Variants in LCLAT1 observed in about 807,000 individuals in gnomAD.
LCLAT1 encodes 1-AGP acyltransferase 8.
Under a neutral mutation model 30.7 loss-of-function variants are expected in LCLAT1, and 11 were observed. The observed-to-expected ratio is 0.36, with a 90% CI of 0.23 to 0.59. The LOEUF (loss-of-function observed/expected upper bound fraction) is 0.59. Among genes scored for constraint, LCLAT1 ranks in the 20% least tolerant of loss-of-function variants. The probability of loss-of-function intolerance (pLI) is 0.77; values close to 1 mark genes in which losing one functional copy is unlikely to be tolerated. For synonymous variants in LCLAT1, 155 were observed against 151.3 expected, an observed-to-expected ratio of 1.02 and a Z score of -0.18; for missense variants, 402 against 458.6, an observed-to-expected ratio of 0.88 and a Z score of 1.13.
chr2:30,454,981 A>G (rs1005676977), intron 1 of LCLAT1, among the ~76,000 whole-genome samples: 1 of 152,158 alleles, frequency 6.6e-6, no homozygotes. Context: ...AGAATATACT[A>G]GAAGTCGGAG....
chr2:30,473,303 G>A (rs997592732), intron 1 of LCLAT1, among the ~76,000 whole-genome samples: 3 of 152,026 alleles, frequency 2.0e-5, no homozygotes, highest in Non-Finnish European at 2.9e-5. Flanking sequence ...CAAGGAGGGC[G>A]GGTTGTATGC....
At chr2:30,609,302 T>TA (rs1197239010) in intron 5 of LCLAT1, among the ~76,000 whole-genome samples, 1 of 151,768 alleles carries the variant, frequency 6.6e-6, no homozygotes, top group Non-Finnish European at 1.5e-5. Context: ...GTCTGGTTTT[T>TA]AAAAACCTTT....
Position 30,527,191 on chromosome 2 carries a change from T to C in LCLAT1, c.165+1436T>C, listed in dbSNP as rs146237771. Among the ~76,000 whole-genome samples, 997 of 152,328 alleles carry C rather than the reference T, an allele frequency of 6.5e-3. 13 individuals are homozygous for C. Among genetic ancestry groups the C allele is most frequent in the African/African-American group, 0.02 (849 of 41,574 alleles). ...TCATAAAATCAGAGACATTTCCTAT[T>C]GAAACATTTGACTGTTTTCATGTCA... On this transcript the variant is annotated intron_variant, in intron 2 of 5. Coordinates refer to ENST00000379509, the MANE Select transcript of LCLAT1 (RefSeq NM_001002257.3).
chr2:30,572,161 T>G lies in LCLAT1; in HGVS notation c.628+3985T>G, dbSNP rs576563144. Among the ~76,000 whole-genome samples, 10 of 152,334 alleles carry G rather than the reference T, an allele frequency of 6.6e-5. No individual in the cohort carries two copies. In the South Asian group the frequency reaches 1.9e-3, roughly 28 times the overall value. On this transcript the variant is annotated intron_variant, in intron 5 of 5. Coordinates refer to ENST00000379509, the MANE Select transcript of LCLAT1 (RefSeq NM_001002257.3). ...GGAATTCATATTGTTTCTTTGTTCCTTTTAGTCACTGCCCACCTCGCCCCC... is the reference window on the plus strand; with the variant it reads ...GGAATTCATATTGTTTCTTTGTTCCGTTTAGTCACTGCCCACCTCGCCCCC...
intron 3 of LCLAT1, among the ~76,000 whole-genome samples, chr2:30,559,022 T>C (rs905988700): frequency 6.6e-6 from 1 of 152,226 alleles, no homozygotes; most frequent in African/African-American, 2.4e-5. Flanking sequence ...GTTACATTGA[T>C]ACTGGCATTG....
At chr2:30,633,374 G>A (rs1175198743) in intron 5 of LCLAT1, among the ~76,000 whole-genome samples, 1 of 152,150 alleles carries the variant, frequency 6.6e-6, no homozygotes, top group South Asian at 2.1e-4. Flanking sequence ...TTTAAAGCAG[G>A]TGTTAAAATG....
At chr2:30,469,567 G>T (rs956658166) in intron 1 of LCLAT1, among the ~76,000 whole-genome samples, 3 of 145,436 alleles carry the variant, frequency 2.1e-5, no homozygotes, top group African/African-American at 2.6e-5. Context: ...TGGGCTACAG[G>T]TCTCTTCTTT....
At chr2:30,543,819 C>G (rs930411118) in intron 3 of LCLAT1, among the ~76,000 whole-genome samples, 5 of 151,970 alleles carry the variant, frequency 3.3e-5, no homozygotes, top group African/African-American at 1.2e-4. Context: ...GCCCCTCTCC[C>G]CTAAAATAAT....
In LCLAT1 at chr2:30,644,215, T is replaced by G. The variant is rs1669452193; in HGVS notation, c.*3596T>G. The G allele has an allele frequency of 6.6e-6, 1 of 152,170 alleles. No homozygotes were observed. The highest frequency in any genetic ancestry group is 2.4e-5 in the African/African-American group (1 of 41,452). The allele number at this position is 152,170 out of a possible 1,614,324, so 9.4% of individuals were successfully genotyped here. A position where few individuals can be genotyped will look rare whatever the true frequency, so the allele number is the denominator to read the frequency against. The stretch of plus-strand genomic sequence containing the variant: ...TACATCCCAGAATAAAGGAGTGAAT[T>G]AAATAGTTTACATGTGTGTTACGTT... On this transcript the variant is annotated 3_prime_UTR_variant, in exon 6 of 6. Transcript: ENST00000379509.
At chr2:30,469,432 A>G (rs991384758) in intron 1 of LCLAT1, among the ~76,000 whole-genome samples, 1 of 152,092 alleles carries the variant, frequency 6.6e-6, no homozygotes, top group Non-Finnish European at 1.5e-5. Context: ...CTTCTTTTGC[A>G]TGTAGCTATC....
intron 5 of LCLAT1, among the ~76,000 whole-genome samples, chr2:30,586,634 G>A (rs755837510): frequency 6.6e-6 from 1 of 152,140 alleles, no homozygotes; most frequent in Admixed American, 6.5e-5. Flanking sequence ...AACACAGTAC[G>A]GTTGCTGACT....
At chr2:30,597,076 T>G (rs376438584) in intron 5 of LCLAT1, among the ~76,000 whole-genome samples, 1,800 of 146,570 alleles carry the variant, frequency 0.012, 43 homozygotes, top group African/African-American at 0.043. Context: ...TCAGGTAATG[T>G]GATGCCTCCA....
At chr2:30,516,135 T>C (rs114591063) in intron 1 of LCLAT1, among the ~76,000 whole-genome samples, 1 of 152,144 alleles carries the variant, frequency 6.6e-6, no homozygotes, top group Non-Finnish European at 1.5e-5. Context: ...GAAATAGTCA[T>C]CTATCGCCTG....
chr2:30,461,372 G>C (rs1279754525), intron 1 of LCLAT1, among the ~76,000 whole-genome samples: 4 of 152,142 alleles, frequency 2.6e-5, no homozygotes, highest in African/African-American at 9.7e-5. Context: ...GTAAGACCTA[G>C]ATTTTTTTTT....
At chr2:30,596,564 T>G (rs931651654) in intron 5 of LCLAT1, among the ~76,000 whole-genome samples, 10 of 151,874 alleles carry the variant, frequency 6.6e-5, no homozygotes, top group African/African-American at 2.2e-4. Flanking sequence ...ATGGATAGAT[T>G]GCAAAAATTT....
intron 4 of LCLAT1, 105 bp downstream of exon 4, chr2:30,562,397 G>A (rs928584914): frequency 3.6e-5 from 32 of 882,920 alleles, no homozygotes; most frequent in Middle Eastern, 4.6e-4. Flanking sequence ...TCTTCCAGGT[G>A]TGGTGGTCCA....
intron 3 of LCLAT1, among the ~76,000 whole-genome samples, chr2:30,534,749 A>G (rs1230696168): frequency 6.6e-6 from 1 of 152,180 alleles, no homozygotes; most frequent in Non-Finnish European, 1.5e-5. Context: ...TTAGAATTCA[A>G]ACAGTATCAC....
At chr2:30,635,430 T>G (rs761552086) in intron 5 of LCLAT1, among the ~76,000 whole-genome samples, 1 of 152,094 alleles carries the variant, frequency 6.6e-6, no homozygotes, top group Non-Finnish European at 1.5e-5. Flanking sequence ...TAAGCTGTCT[T>G]TCTTCTCTCC....
rs113030777 is a variant in LCLAT1, at chr2:30,488,465, A to G, written c.-4-37122A>G. Among the ~76,000 whole-genome samples the G allele has an allele frequency of 1.3e-3, 203 of 152,358 alleles. 1 individual carries two copies. Among genetic ancestry groups the G allele is most frequent in the African/African-American group, 4.8e-3 (200 of 41,596 alleles). The stretch of plus-strand genomic sequence containing the variant: ...CTTTGCAGCCACATCCCTCACCAAC[A>G]TGGCAATTGCCTGATGGCACTGACC... On this transcript the variant is annotated intron_variant, in intron 1 of 5. Coordinates refer to ENST00000379509, the MANE Select transcript of LCLAT1 (RefSeq NM_001002257.3).
Sources: allele counts gnomAD v4.1 joint callset (sites outside exome capture counted in the v4.1 genomes callset), GRCh38; gene constraint gnomAD v4.1.1; transcripts MANE v1.5; gene names NCBI Gene and HGNC (gene_info 2026-07-23, HGNC 2026-07-21).